The following CTIF variants were observed in gnomAD, a reference collection of about 807,000 sequenced individuals.
CTIF encodes CBP80/20-dependent translation initiation factor.
In CTIF, 21 loss-of-function variants were observed where a neutral mutation model predicts 66.0. The observed-to-expected ratio is 0.32, with a 90% CI of 0.23 to 0.46. CTIF has a LOEUF of 0.46. Ranked by LOEUF, CTIF falls within the 20% of genes least tolerant of loss-of-function variation. CTIF has a pLI of 1.00. For missense variants in CTIF, 739 were observed against 812.7 expected, an observed-to-expected ratio of 0.91 and a Z score of 1.10; for synonymous variants, 345 against 326.4, an observed-to-expected ratio of 1.06 and a Z score of -0.62.
chr18:48,585,841 T>A (rs112081073), intron 1 of CTIF, among the ~76,000 whole-genome samples: 4,704 of 152,308 alleles, frequency 0.031, 249 homozygotes, highest in African/African-American at 0.11. Context: ...TGAGCACGCC[T>A]GCTACTCACA....
chr18:48,664,067 A>G (rs1196949213), intron 4 of CTIF, among the ~76,000 whole-genome samples: 1 of 152,138 alleles, frequency 6.6e-6, no homozygotes, highest in African/African-American at 2.4e-5. Context: ...CCCGCTTCCC[A>G]CTAGCCTGCC....
intron 3 of CTIF, among the ~76,000 whole-genome samples, chr18:48,639,395 G>A (rs1448567920): frequency 6.6e-6 from 1 of 152,172 alleles, no homozygotes; most frequent in Non-Finnish European, 1.5e-5. Flanking sequence ...CAAGACACAG[G>A]TGTAAAAAAA....
At chr18:48,708,125 G>A (rs757197106) in intron 6 of CTIF, among the ~76,000 whole-genome samples, 2 of 152,130 alleles carry the variant, frequency 1.3e-5, no homozygotes, top group Admixed American at 6.5e-5. Flanking sequence ...ATCAGTGGAC[G>A]GGCACTAGGT....
At chr18:48,758,895 C>G (rs1376019260) in intron 8 of CTIF, among the ~76,000 whole-genome samples, 1 of 152,184 alleles carries the variant, frequency 6.6e-6, no homozygotes, top group African/African-American at 2.4e-5. Flanking sequence ...TGGGGGCAGG[C>G]TGATTCCAGC....
At chr18:48,734,053 C>T (rs754333523) in intron 7 of CTIF, among the ~76,000 whole-genome samples, 2 of 152,210 alleles carry the variant, frequency 1.3e-5, no homozygotes, top group Non-Finnish European at 1.5e-5. Context: ...CCATGAGGGA[C>T]GCTGTGTTCT....
intron 4 of CTIF, 73 bp downstream of exon 4, chr18:48,663,898 G>T: frequency 7.6e-7 from 1 of 1,310,870 alleles, no homozygotes; most frequent in South Asian, 1.2e-5. Flanking sequence ...GGGACGGAAT[G>T]AACGCTGATG....
At chr18:48,806,266 A>G (rs2068144902) in intron 9 of CTIF, among the ~76,000 whole-genome samples, 1 of 152,318 alleles carries the variant, frequency 6.6e-6, no homozygotes, top group South Asian at 2.1e-4. Flanking sequence ...CATGCAACCA[A>G]TTGCCCGGGA....
intron 6 of CTIF, among the ~76,000 whole-genome samples, chr18:48,681,194 T>C (rs1360712847): frequency 6.6e-6 from 1 of 152,240 alleles, no homozygotes; most frequent in Non-Finnish European, 1.5e-5. Context: ...CATTGTGAGC[T>C]GCTGCACAAT....
chr18:48,670,828 A>C, intron 6 of CTIF, 84 bp downstream of exon 6: 1 of 1,190,404 alleles, frequency 8.4e-7, no homozygotes, highest in Non-Finnish European at 1.2e-6. Context: ...TAACCAAAGC[A>C]CTCCTTCTGG....
At chr18:48,557,079 G>A (rs1388560434) in intron 1 of CTIF, among the ~76,000 whole-genome samples, 1 of 152,134 alleles carries the variant, frequency 6.6e-6, no homozygotes, top group Non-Finnish European at 1.5e-5. Flanking sequence ...GGTCAGAAGA[G>A]TCCAGCAGGG....
chr18:48,812,153 G>A (rs1211426062), intron 9 of CTIF, among the ~76,000 whole-genome samples: 3 of 151,992 alleles, frequency 2.0e-5, no homozygotes, highest in Admixed American at 6.6e-5. Context: ...TAGTAGAGGC[G>A]GGGTTTCACC....
intron 1 of CTIF, among the ~76,000 whole-genome samples, chr18:48,578,859 C>G (rs1015314420): frequency 2.6e-5 from 4 of 152,138 alleles, no homozygotes; most frequent in Admixed American, 1.3e-4. Flanking sequence ...CAATTTATCT[C>G]TTTTACTTAC....
chr18:48,632,980 TAGGGTTGCATACGGATGTGCACGAAGC>T (rs2090747658), intron 2 of CTIF, among the ~76,000 whole-genome samples: 1 of 150,952 alleles, frequency 6.6e-6, no homozygotes, highest in Admixed American at 6.6e-5. Context: ...CCAAGGAGGG[TAGGGTTGCATACGGATGTGCACGAAGC>T]CTCAGGGTCT....
intron 7 of CTIF, among the ~76,000 whole-genome samples, chr18:48,741,285 C>CA (rs1180605568): frequency 1.4e-5 from 2 of 144,480 alleles, no homozygotes; most frequent in Non-Finnish European, 1.5e-5. Flanking sequence ...CCCCCGCCCC[C>CA]CCTCCTTGGT....
intron 6 of CTIF, among the ~76,000 whole-genome samples, chr18:48,679,277 G>A (rs529751059): frequency 2.6e-5 from 4 of 152,272 alleles, no homozygotes; most frequent in Non-Finnish European, 5.9e-5. Context: ...TTCAACTTAC[G>A]TTGCAAAGCT....
At chr18:48,854,987 TG>T (rs80135555) in intron 10 of CTIF, among the ~76,000 whole-genome samples, 43,677 of 152,140 alleles carry the variant, frequency 0.29, 6,494 homozygotes, top group Admixed American at 0.35. Flanking sequence ...AGATGTTTAT[TG>T]GTTTGTTTTC....
At chr18:48,842,447 G>A (rs576012263) in intron 10 of CTIF, among the ~76,000 whole-genome samples, 24 of 152,296 alleles carry the variant, frequency 1.6e-4, no homozygotes, top group Non-Finnish European at 2.8e-4. Context: ...ATGGGTCAAC[G>A]GAATCCTTGA....
intron 6 of CTIF, among the ~76,000 whole-genome samples, chr18:48,673,106 C>G (rs2091563606): frequency 1.3e-5 from 2 of 152,190 alleles, no homozygotes; most frequent in Admixed American, 1.3e-4. Flanking sequence ...AGCCCCTGCC[C>G]CCATCTCTGT....
chr18:48,662,948 C>G (rs903553895), intron 3 of CTIF, among the ~76,000 whole-genome samples: 7 of 152,090 alleles, frequency 4.6e-5, no homozygotes. Flanking sequence ...GCTGTAATGG[C>G]GGATGCTGCT....
Sources: allele counts gnomAD v4.1 joint callset (sites outside exome capture counted in the v4.1 genomes callset), GRCh38; gene constraint gnomAD v4.1.1; transcripts MANE v1.5; gene names NCBI Gene and HGNC (gene_info 2026-07-23, HGNC 2026-07-21).